The following SPON1 variants were observed in gnomAD, a reference collection of about 807,000 sequenced individuals.
SPON1 encodes the protein spondin 1.
A neutral mutation model predicts 111.7 loss-of-function variants in SPON1; 52 were observed. The observed-to-expected ratio is 0.47, with a 90% CI of 0.37 to 0.59. The LOEUF is 0.59. Among genes scored for constraint, SPON1 ranks in the 20% least tolerant of loss-of-function variants. The pLI is 0.00. For synonymous variants in SPON1, 410 were observed against 395.8 expected (o/e 1.04, Z -0.43); for missense variants, 957 against 1,068.5 (o/e 0.90, Z 1.46).
rs1849288905 is a variant in SPON1 at position 14,267,804 on chromosome 11, C to T, written c.*2117C>T. On this transcript the variant is annotated 3_prime_UTR_variant, in exon 16 of 16. Coordinates refer to ENST00000576479, the MANE Select transcript of SPON1 (RefSeq NM_006108.4). Reference sequence around the variant, plus strand: ...TTTTGGAAATAAAGATTTTTTACTACAAAAATGAAATTTGTTTGGACTTCC... The same window carrying T: ...TTTTGGAAATAAAGATTTTTTACTATAAAAATGAAATTTGTTTGGACTTCC... 6.6e-6 allele frequency: 1 copy of T among 152,106 alleles called. No homozygotes were observed. Among genetic ancestry groups the T allele is most frequent in the Non-Finnish European group, 1.5e-5 (1 of 68,014 alleles). The allele number at this position is 152,106 out of a possible 1,614,324, so 9.4% of individuals were successfully genotyped here. A position where few individuals can be genotyped will look rare whatever the true frequency, so the allele number is the denominator to read the frequency against.
At chr11:14,007,795 G>A (rs782274906) in intron 2 of SPON1, among the ~76,000 whole-genome samples, 4 of 152,288 alleles carry the variant, frequency 2.6e-5, no homozygotes, top group Admixed American at 6.5e-5. Flanking sequence ...GGGACGATTT[G>A]TTCCTTGCCT....
intron 3 of SPON1, among the ~76,000 whole-genome samples, chr11:14,054,898 T>C (rs1179781317): frequency 3.9e-5 from 6 of 152,154 alleles, no homozygotes; most frequent in Non-Finnish European, 7.3e-5. Context: ...GGTCTCAAAG[T>C]ATAAAATTAA....
In SPON1 at chr11:14,267,847, G is replaced by C. The variant is rs1428257486; in HGVS notation, c.*2160G>C. ...GGACTTCCACTTGAGACAGTAAAGA[G>C]AGTATTAGACACCCAGTAAAAACTG... On this transcript the variant is annotated 3_prime_UTR_variant, in exon 16 of 16. Transcript: ENST00000576479. The C allele has an allele frequency of 2.0e-5, 3 of 152,182 alleles. No individual in the cohort carries two copies. The highest frequency in any genetic ancestry group is 2.9e-5 in the Non-Finnish European group (2 of 68,040). The allele number at this position is 152,182 out of a possible 1,614,324, so 9.4% of individuals were successfully genotyped here.
At chr11:14,262,506 G>A (rs1591431667) in intron 14 of SPON1, 2 of 630,606 alleles carry the variant, frequency 3.2e-6, no homozygotes, top group African/African-American at 1.8e-5. Context: ...GTGATGACCT[G>A]GCACCAATCC....
intron 6 of SPON1, among the ~76,000 whole-genome samples, chr11:14,197,524 C>T (rs1405881354): frequency 8.3e-6 from 1 of 120,082 alleles, no homozygotes; most frequent in African/African-American, 3.1e-5. Flanking sequence ...AATAAATAAA[C>T]AAGTGGGGGC....
At chr11:14,087,890 G>C (rs782285996) in intron 5 of SPON1, among the ~76,000 whole-genome samples, 2 of 152,138 alleles carry the variant, frequency 1.3e-5, no homozygotes, top group African/African-American at 4.8e-5. Flanking sequence ...TTACCATTCT[G>C]TAGTGCCCTT....
intron 5 of SPON1, among the ~76,000 whole-genome samples, chr11:14,117,963 G>T (rs1368626101): frequency 2.6e-5 from 4 of 152,122 alleles, no homozygotes; most frequent in African/African-American, 9.7e-5. Context: ...CAGGTGCTCA[G>T]TAATTCCCAT....
Position 14,164,695 on chromosome 11 carries a change from T to C in SPON1, c.825+29127T>C, listed in dbSNP as rs181267640. 1.2e-4 allele frequency among the ~76,000 whole-genome samples: 19 copies of C among 152,082 alleles called. No homozygotes were observed. In the East Asian group the frequency reaches 3.5e-3, roughly 28 times the overall value. The stretch of plus-strand genomic sequence containing the variant: ...TAGAGAAAGAGTAATTTATGCAGAG[T>C]TGGCCATGCAGGAGACCGGAGTTTT... On this transcript the variant is annotated intron_variant, in intron 6 of 15. Coordinates refer to ENST00000576479, the MANE Select transcript of SPON1 (RefSeq NM_006108.4).
intron 6 of SPON1, among the ~76,000 whole-genome samples, chr11:14,171,602 C>A (rs1221040477): frequency 2.6e-5 from 4 of 152,158 alleles, no homozygotes; most frequent in African/African-American, 9.7e-5. Context: ...AATTTTAGAT[C>A]TTTCCTGCTT....
intron 6 of SPON1, among the ~76,000 whole-genome samples, chr11:14,210,491 C>T (rs1393012180): frequency 2.0e-5 from 3 of 151,852 alleles, no homozygotes; most frequent in Non-Finnish European, 2.9e-5. Context: ...CTCCACCACC[C>T]GGGTTCAAGC....
At position 14,256,655 on chromosome 11, in the gene SPON1, T is replaced by C. The variant is rs1554941250; in HGVS notation, c.1272T>C (p.Asp424=). Reference sequence around the variant, plus strand: ...ATATTGTACCTGACAATGTCGATGATATTGTAGCTGACCTGGCTCCAGAAG... The same window carrying C: ...ATATTGTACCTGACAATGTCGATGACATTGTAGCTGACCTGGCTCCAGAAG... The part of the protein sequence containing the change: ...QCNIVPDNVD[D]IVADLAPEEK... The change falls in exon 10 of 16, where the codon GAT becomes GAC. Residue 424 remains aspartate, a synonymous_variant. Transcript: ENST00000576479. The C allele has an allele frequency of 2.5e-6, 4 of 1,613,714 alleles. No homozygotes were observed. Among genetic ancestry groups the C allele is most frequent in the South Asian group, 1.1e-5 (1 of 91,038 alleles).
At chr11:14,222,030 T>A (rs1848686206) in intron 6 of SPON1, among the ~76,000 whole-genome samples, 1 of 152,356 alleles carries the variant, frequency 6.6e-6, no homozygotes, top group South Asian at 2.1e-4. Context: ...ACTGGAGTCA[T>A]GTTGGCACCA....
At chr11:14,101,071 G>A (rs1528649) in intron 5 of SPON1, among the ~76,000 whole-genome samples, 2,029 of 152,138 alleles carry the variant, frequency 0.013, 46 homozygotes, top group African/African-American at 0.046. Flanking sequence ...TATTTTCACA[G>A]TTAATGTGAC....
At chr11:14,198,561 G>A (rs1848426781) in intron 6 of SPON1, among the ~76,000 whole-genome samples, 1 of 152,216 alleles carries the variant, frequency 6.6e-6, no homozygotes, top group South Asian at 2.1e-4. Context: ...AATCTCATTT[G>A]ATCAGGTCTC....
rs115921655 is a variant in SPON1, at chr11:14,069,284, G to A, written c.480-6061G>A. Among the ~76,000 whole-genome samples the A allele has an allele frequency of 5.5e-3, 840 of 152,144 alleles. 9 individuals carry two copies. The highest frequency in any genetic ancestry group is 0.019 in the African/African-American group (803 of 41,496). On this transcript the variant is annotated intron_variant, in intron 3 of 15. Transcript: ENST00000576479. ...GATTAAATGAGTTAATATTTGTGAA[G>A]CACATAGGAAGGTGCTTAACTGTTA...
At chr11:14,239,828 G>A (rs1848906040) in intron 6 of SPON1, among the ~76,000 whole-genome samples, 2 of 152,194 alleles carry the variant, frequency 1.3e-5, no homozygotes, top group African/African-American at 4.8e-5. Flanking sequence ...TTTCCTGCCT[G>A]CTGGATTCAT....
At chr11:14,184,162 G>A (rs10832228) in intron 6 of SPON1, among the ~76,000 whole-genome samples, 60,945 of 151,888 alleles carry the variant, frequency 0.4, 12,363 homozygotes, top group East Asian at 0.55. Flanking sequence ...TGTAATCTCT[G>A]CTCATTTACA....
intron 6 of SPON1, among the ~76,000 whole-genome samples, chr11:14,138,072 A>G (rs782635039): frequency 1.3e-5 from 2 of 152,244 alleles, no homozygotes; most frequent in Non-Finnish European, 2.9e-5. Flanking sequence ...GTTTGAAAAC[A>G]TCTGCAAACT....
At chr11:14,154,660 T>C (rs917890619) in intron 6 of SPON1, among the ~76,000 whole-genome samples, 103 of 152,252 alleles carry the variant, frequency 6.8e-4, no homozygotes, top group Non-Finnish European at 2.2e-4. Flanking sequence ...ATTTGGCTTC[T>C]CTTTACTTAG....
Sources: gnomAD v4.1 joint callset for allele counts (sites outside exome capture counted in the v4.1 genomes callset) on GRCh38, gnomAD v4.1.1 for gene constraint, MANE v1.5 for transcripts, NCBI Gene and HGNC (gene_info 2026-07-23, HGNC 2026-07-21) for gene names.